Variants in ADM5 observed in about 807,000 individuals in gnomAD.
The protein encoded by ADM5 is adrenomedullin 5 (putative).
A neutral mutation model predicts 2.9 loss-of-function variants in ADM5; 1 was observed. That is an observed-to-expected ratio of 0.35 (90% confidence interval 0.12 to 1.65). ADM5 has a LOEUF of 1.65. Among genes scored for constraint, ADM5 ranks in the 40% most tolerant of loss-of-function variants. The pLI is 0.36. For missense variants in ADM5, 192 were observed against 205.2 expected (o/e 0.94, Z 0.39); for synonymous variants, 90 against 91.1 (o/e 0.99, Z 0.07).
In ADM5 at chr19:49,689,613, T is replaced by C. The variant is rs2082282252; in HGVS notation, c.-225T>C. On this transcript the variant is annotated 5_prime_UTR_variant, in exon 1 of 2. Coordinates refer to ENST00000420022, the MANE Select transcript of ADM5 (RefSeq NM_001101340.2). ...GACCCCACACACCCAGTGAGGTCTC[T>C]GGAGCCGCGGTGCGGGAAGCGGGGA... 3.3e-6 allele frequency: 2 copies of C among 608,982 alleles called. No individual in the cohort carries two copies. Among genetic ancestry groups the C allele is most frequent in the East Asian group, 5.6e-5 (2 of 35,902 alleles). The allele number at this position is 608,982 out of a possible 1,614,324, so 37.7% of individuals were successfully genotyped here. A position where few individuals can be genotyped will look rare whatever the true frequency, so the allele number is the denominator to read the frequency against.
rs1286778050 is a variant in ADM5 at position 49,689,773 on chromosome 19, C to T, written c.-65C>T. On this transcript the variant is annotated 5_prime_UTR_variant, in exon 1 of 2. Coordinates refer to ENST00000420022, the MANE Select transcript of ADM5 (RefSeq NM_001101340.2). ...GAGCTGCACCCAGAGGCGATCAGCC[C>T]GGTGCGGGAACGGGGCGGGGTGGCC... The T allele has an allele frequency of 1.9e-6, 3 of 1,593,510 alleles. No individual in the cohort carries two copies. In the African/African-American group the frequency reaches 4.0e-5, roughly 21 times the overall value.
chr19:49,689,949 G>C, intron 1 of ADM5, 38 bp downstream of exon 1: 1 of 1,613,644 alleles, frequency 6.2e-7, no homozygotes, highest in African/African-American at 1.3e-5. Context: ...AGGGCGGGAG[G>C]GAGACCGTAA....
Position 49,690,212 on chromosome 19 carries a change from C to A in ADM5, c.181C>A (p.Gln61Lys). ...CATATACTGGATTCGCTGTCTCCAC[C>A]AAGGAGCCCTCGGGGAAGGCCAGCC... ...EIIYWIRCLH[Q>K]GALGEGQPRA... is the part of the protein sequence containing the mutation. The change falls in exon 2 of 2, where the codon CAA (glutamine) becomes AAA (lysine). Residue 61 changes from glutamine to lysine, a missense_variant. Gln to Lys is a moderately conservative substitution (Grantham distance 53, BLOSUM62 1). Transcript: ENST00000420022. The surrounding 1 kb of genome is among the most constrained non-coding windows in gnomAD (Gnocchi z 4.4). 1 of 1,558,260 alleles carries A rather than the reference C, an allele frequency of 6.4e-7. No individual in the cohort carries two copies. Among genetic ancestry groups the A allele is most frequent in the Non-Finnish European group, 8.7e-7 (1 of 1,151,384 alleles).
chr19:49,689,730 C>T lies in ADM5; in HGVS notation c.-108C>T, dbSNP rs1366339293. 2.2e-6 allele frequency: 3 copies of T among 1,390,592 alleles called. No homozygotes were observed. The highest frequency in any genetic ancestry group is 3.0e-6 in the Non-Finnish European group (3 of 986,802). 86.1% of individuals were successfully genotyped at this position (1,390,592 alleles called of 1,614,324 possible). On this transcript the variant is annotated 5_prime_UTR_variant, in exon 1 of 2. Coordinates refer to ENST00000420022, the MANE Select transcript of ADM5 (RefSeq NM_001101340.2). ...TCCCCGCCTGGGAAGTGGGGACTGGCCCTGGTACCTGGCTCCAGAGCTGCA... is the reference window on the plus strand; with the variant it reads ...TCCCCGCCTGGGAAGTGGGGACTGGTCCTGGTACCTGGCTCCAGAGCTGCA...
At position 49,690,403 on chromosome 19, in the gene ADM5, CTG is replaced by C; in HGVS notation, c.374_375del (p.Cys125TyrfsTer17). 1 of 1,551,532 alleles carries C rather than the reference CTG, an allele frequency of 6.4e-7. No homozygotes were observed. Among genetic ancestry groups the C allele is most frequent in the Non-Finnish European group, 8.7e-7 (1 of 1,146,882 alleles). ...RPLLGFSLPI[C>X]MLELLLHISS... is the part of the protein sequence containing the mutation. The stretch of plus-strand genomic sequence containing the variant: ...CCCTCCTCGGCTTCAGTTTGCCTAT[CTG>C]TATGTTGGAGCTTCTACTCCACATT... On this transcript the variant is annotated frameshift_variant, in exon 2 of 2. Coordinates refer to ENST00000420022, the MANE Select transcript of ADM5 (RefSeq NM_001101340.2). LOFTEE classifies it low-confidence loss of function (END_TRUNC). The surrounding 1 kb of genome is among the most constrained non-coding windows in gnomAD (Gnocchi z 4.4).
rs2123039182 is a variant in ADM5 at position 49,689,682 on chromosome 19, CCA to C, written c.-153_-152del. 12 of 925,248 alleles carry C rather than the reference CCA, an allele frequency of 1.3e-5. No individual in the cohort carries two copies. In the East Asian group the frequency reaches 2.8e-4, roughly 22 times the overall value. The allele number at this position is 925,248 out of a possible 1,614,324, so 57.3% of individuals were successfully genotyped here. On this transcript the variant is annotated 5_prime_UTR_variant, in exon 1 of 2. Coordinates refer to ENST00000420022, the MANE Select transcript of ADM5 (RefSeq NM_001101340.2). ...CCCTCTGGTGTGGTGCGGCCTCTTC[CCA>C]CAGACTTTTGGCCTCAGTGTTCCCC...
rs892618539 is a variant in ADM5 at position 49,690,541 on chromosome 19, G to C, written c.*48G>C. ...ACCAGGCTGGGCGAAGAACACTGAC[G>C]CCCAGAGCCGAATAAACAAGAGTTC... is the stretch of plus-strand genomic sequence containing the variant. On this transcript the variant is annotated 3_prime_UTR_variant, in exon 2 of 2. Transcript: ENST00000420022. This position sits in a 1 kb window ranked among gnomAD's most constrained non-coding sequence, Gnocchi z 4.4. 1.4e-5 allele frequency: 20 copies of C among 1,401,528 alleles called. No individual in the cohort carries two copies. The highest frequency in any genetic ancestry group is 1.8e-5 in the Non-Finnish European group (19 of 1,052,232). 86.8% of individuals were successfully genotyped at this position (1,401,528 alleles called of 1,614,324 possible). A position where few individuals can be genotyped will look rare whatever the true frequency, so the allele number is the denominator to read the frequency against.
Position 49,689,648 on chromosome 19 carries a change from G to T in ADM5, c.-190G>T. The T allele has an allele frequency of 1.4e-6, 1 of 697,170 alleles. No homozygotes were observed. Among genetic ancestry groups the T allele is most frequent in the Non-Finnish European group, 2.4e-6 (1 of 418,858 alleles). The allele number at this position is 697,170 out of a possible 1,614,324, so 43.2% of individuals were successfully genotyped here. On this transcript the variant is annotated 5_prime_UTR_variant, in exon 1 of 2. Coordinates refer to ENST00000420022, the MANE Select transcript of ADM5 (RefSeq NM_001101340.2). ...GTGCGGGAAGCGGGGACCCGGGTTT[G>T]AATCCTGCCCCTCTGGTGTGGTGCG...
chr19:49,689,701 G>A lies in ADM5; in HGVS notation c.-137G>A. ...CTCTTCCCACAGACTTTTGGCCTCA[G>A]TGTTCCCCGCCTGGGAAGTGGGGAC... On this transcript the variant is annotated 5_prime_UTR_variant, in exon 1 of 2. The change creates a new upstream start codon in the 5' untranslated region. Transcript: ENST00000420022. The A allele has an allele frequency of 1.8e-6, 2 of 1,125,924 alleles. No individual in the cohort carries two copies. The allele number at this position is 1,125,924 out of a possible 1,614,324, so 69.7% of individuals were successfully genotyped here. A position where few individuals can be genotyped will look rare whatever the true frequency, so the allele number is the denominator to read the frequency against.
rs1490656088 is a variant in ADM5, at chr19:49,689,793, G to T, written c.-45G>T. On this transcript the variant is annotated 5_prime_UTR_variant, in exon 1 of 2. Coordinates refer to ENST00000420022, the MANE Select transcript of ADM5 (RefSeq NM_001101340.2). ...CAGCCCGGTGCGGGAACGGGGCGGG[G>T]TGGCCGCAACTACGGGCCACGGATC... The T allele has an allele frequency of 2.5e-6, 4 of 1,611,440 alleles. No individual in the cohort carries two copies. The South Asian group carries it at 3.3e-5, about 13-fold the overall frequency.
chr19:49,690,515 G>T lies in ADM5; in HGVS notation c.*22G>T. 6.8e-7 allele frequency: 1 copy of T among 1,466,206 alleles called. No individual in the cohort carries two copies. The highest frequency in any genetic ancestry group is 1.4e-5 in the South Asian group (1 of 71,472). 90.8% of individuals were successfully genotyped at this position (1,466,206 alleles called of 1,614,324 possible). A position where few individuals can be genotyped will look rare whatever the true frequency, so the allele number is the denominator to read the frequency against. ...CTAGGTTGGACCTAGAAGCACACGG[G>T]ACCAGGCTGGGCGAAGAACACTGAC... On this transcript the variant is annotated 3_prime_UTR_variant, in exon 2 of 2. Coordinates refer to ENST00000420022, the MANE Select transcript of ADM5 (RefSeq NM_001101340.2). This position sits in a 1 kb window ranked among gnomAD's most constrained non-coding sequence, Gnocchi z 4.4.
chr19:49,690,118 C>A lies in ADM5; in HGVS notation c.87C>A (p.His29Gln). 2 of 1,559,242 alleles carry A rather than the reference C, an allele frequency of 1.3e-6. No individual in the cohort carries two copies. Among genetic ancestry groups the A allele is most frequent in the Non-Finnish European group, 1.7e-6 (2 of 1,151,452 alleles). The change falls in exon 2 of 2, where the codon CAC becomes CAA. Residue 29 changes from histidine (H) to glutamine (Q), a missense_variant. By Grantham distance (24) the His-to-Gln change is conservative. Coordinates refer to ENST00000420022, the MANE Select transcript of ADM5 (RefSeq NM_001101340.2). This position sits in a 1 kb window ranked among gnomAD's most constrained non-coding sequence, Gnocchi z 4.4. Reference protein sequence around the residue: ...DLDTAARRGQHQVPQHRGHVC... With the variant: ...DLDTAARRGQQQVPQHRGHVC... ...GCTCCCTCTCCAGGCGAGGCCAGCA[C>A]CAGGTCCCCCAGCACCGCGGGCACG... is the stretch of plus-strand genomic sequence containing the variant.
chr19:49,689,934 G>A, intron 1 of ADM5, 23 bp downstream of exon 1: 1 of 1,613,896 alleles, frequency 6.2e-7, no homozygotes, highest in Non-Finnish European at 8.5e-7. Context: ...GGTGGCAGCA[G>A]GGACAGGGCG....
At position 49,689,863 on chromosome 19, in the gene ADM5, T is replaced by G. The variant is rs1196618793; in HGVS notation, c.26T>G (p.Leu9Arg). The G allele has an allele frequency of 1.2e-6, 2 of 1,613,852 alleles. No homozygotes were observed. Among genetic ancestry groups the G allele is most frequent in the African/African-American group, 2.7e-5 (2 of 74,940 alleles). MTIHILILLLLLAFSAQGD... is the reference protein window; with the variant it reads MTIHILILRLLLAFSAQGD... ...ATGACTATCCACATCCTCATCCTGC[T>G]GTTGCTCCTCGCCTTCTCCGCCCAA... Residue 9 changes from leucine (L) to arginine (R), a missense_variant, in exon 1 of 2, where the codon CTG becomes CGG. Coordinates refer to ENST00000420022, the MANE Select transcript of ADM5 (RefSeq NM_001101340.2).
Position 49,689,772 on chromosome 19 carries a change from C to T in ADM5, c.-66C>T. On this transcript the variant is annotated 5_prime_UTR_variant, in exon 1 of 2. Transcript: ENST00000420022. Reference sequence around the variant, plus strand: ...AGAGCTGCACCCAGAGGCGATCAGCCCGGTGCGGGAACGGGGCGGGGTGGC... The same window carrying T: ...AGAGCTGCACCCAGAGGCGATCAGCTCGGTGCGGGAACGGGGCGGGGTGGC... The T allele has an allele frequency of 6.3e-7, 1 of 1,593,964 alleles. No individual in the cohort carries two copies. The highest frequency in any genetic ancestry group is 8.6e-7 in the Non-Finnish European group (1 of 1,162,480).
Position 49,690,012 on chromosome 19 carries a change from C to T in ADM5, c.75-94C>T, listed in dbSNP as rs2082293894. ...AACGGGCAGGTGATCTGTAAGCCTC[C>T]CCGCTGGTCTTGGAGTGCTTGGGTG... On this transcript the variant is annotated intron_variant, in intron 1 of 1. Coordinates refer to ENST00000420022, the MANE Select transcript of ADM5 (RefSeq NM_001101340.2). This position sits in a 1 kb window ranked among gnomAD's most constrained non-coding sequence, Gnocchi z 4.4. 1 of 1,602,298 alleles carries T rather than the reference C, an allele frequency of 6.2e-7. No individual in the cohort carries two copies. Among genetic ancestry groups the T allele is most frequent in the South Asian group, 1.1e-5 (1 of 90,166 alleles).
In ADM5 at chr19:49,690,055, C is replaced by G; in HGVS notation, c.75-51C>G. 15 of 1,559,518 alleles carry G rather than the reference C, an allele frequency of 9.6e-6. 1 individual carries two copies. The South Asian group carries it at 1.8e-4, about 18-fold the overall frequency. On this transcript the variant is annotated intron_variant, in intron 1 of 1. Coordinates refer to ENST00000420022, the MANE Select transcript of ADM5 (RefSeq NM_001101340.2). This position sits in a 1 kb window ranked among gnomAD's most constrained non-coding sequence, Gnocchi z 4.4. ...CTTGGGTGCCCACCTCCATCACGCT[C>G]CATCTCTCAATTCGGTTTGAACCCG... is the stretch of plus-strand genomic sequence containing the variant.
chr19:49,690,559 A>C lies in ADM5; in HGVS notation c.*66A>C. 1 of 1,356,398 alleles carries C rather than the reference A, an allele frequency of 7.4e-7. No homozygotes were observed. The highest frequency in any genetic ancestry group is 9.9e-7 in the Non-Finnish European group (1 of 1,013,250). The allele number at this position is 1,356,398 out of a possible 1,614,324, so 84.0% of individuals were successfully genotyped here. Reference sequence around the variant, plus strand: ...CACTGACGCCCAGAGCCGAATAAACAAGAGTTCCGTGTTTCAGTCTCTGCT... The same window carrying C: ...CACTGACGCCCAGAGCCGAATAAACCAGAGTTCCGTGTTTCAGTCTCTGCT... On this transcript the variant is annotated 3_prime_UTR_variant, in exon 2 of 2. Transcript: ENST00000420022. This position sits in a 1 kb window ranked among gnomAD's most constrained non-coding sequence, Gnocchi z 4.4.
chr19:49,690,337 G>A lies in ADM5; in HGVS notation c.306G>A (p.Ala102=). The change falls in exon 2 of 2, where the codon GCG becomes GCA. Residue 102 remains alanine (A), a synonymous_variant. Coordinates refer to ENST00000420022, the MANE Select transcript of ADM5 (RefSeq NM_001101340.2). This position sits in a 1 kb window ranked among gnomAD's most constrained non-coding sequence, Gnocchi z 4.4. ...TCCGGCCTGCAGCGAGGGGGCTAGC[G>A]CAGTGCCCAGCTCGCTGGGTGACCT... is the stretch of plus-strand genomic sequence containing the variant. The part of the protein sequence containing the change: ...PGFRPAARGL[A]QCPARWVTSG... 1.3e-6 allele frequency: 2 copies of A among 1,551,568 alleles called. No homozygotes were observed. The highest frequency in any genetic ancestry group is 1.7e-6 in the Non-Finnish European group (2 of 1,146,872).
Sources: allele counts gnomAD v4.1 joint callset, GRCh38; gene constraint gnomAD v4.1.1; non-coding constraint Gnocchi (gnomAD v3.1); transcripts MANE v1.5; gene names NCBI Gene and HGNC (gene_info 2026-07-23, HGNC 2026-07-21).